Variants in EYS observed in about 807,000 individuals in gnomAD.
The protein encoded by EYS is EGF-like photoreceptor maintenance factor, also known as protein eyes shut homolog.
In EYS, 250 loss-of-function variants were observed where a neutral mutation model predicts 282.1. The ratio of observed to expected loss-of-function variants is 0.89; its 90% CI spans 0.80 to 0.98. The LOEUF is 0.98. Among genes scored for constraint, EYS ranks in the 50% least tolerant of loss-of-function variants. The pLI, the probability that EYS is intolerant of heterozygous loss-of-function variation, is 0.00. For missense variants in EYS, 4,016 were observed against 3,709.0 expected (o/e 1.08, Z -2.15); for synonymous variants, 1,355 against 1,282.9 (o/e 1.06, Z -1.20).
intron 12 of EYS, among the ~76,000 whole-genome samples, chr6:65,087,326 A>G (rs965807149): frequency 1.4e-4 from 21 of 152,078 alleles, no homozygotes; most frequent in African/African-American, 5.1e-4. Flanking sequence ...TTCCACCAAA[A>G]TGACTATTTT....
At chr6:65,697,160 G>A (rs1406673681) in intron 1 of EYS, among the ~76,000 whole-genome samples, 1 of 151,838 alleles carries the variant, frequency 6.6e-6, no homozygotes, top group African/African-American at 2.4e-5. Context: ...TTGTCTCTTA[G>A]TTTTAAAATT....
At chr6:65,434,763 C>G (rs1768013342) in intron 5 of EYS, among the ~76,000 whole-genome samples, 1 of 152,226 alleles carries the variant, frequency 6.6e-6, no homozygotes, top group Middle Eastern at 3.4e-3. Flanking sequence ...TTGACATATG[C>G]TACTCTTTAT....
chr6:65,005,987 C>G (rs1771636968), intron 13 of EYS, among the ~76,000 whole-genome samples: 1 of 152,178 alleles, frequency 6.6e-6, no homozygotes, highest in Non-Finnish European at 1.5e-5. Context: ...ACTAATGGTT[C>G]AGACTTTCAT....
Position 64,382,623 on chromosome 6 carries a change from G to A in EYS, c.6078+6067C>T, listed in dbSNP as rs1211061629. Among the ~76,000 whole-genome samples the A allele has an allele frequency of 2.0e-5, 3 of 152,176 alleles. No homozygotes were observed. The East Asian group carries it at 5.8e-4, about 29-fold the overall frequency. On this transcript the variant is annotated intron_variant, in intron 29 of 42. Transcript: ENST00000503581. Reference sequence around the variant, plus strand: ...TAAATACAGTGGTACATCTAAACCAGAGAGTGCTTGAATAGAAGAAACTAT... The same window carrying A: ...TAAATACAGTGGTACATCTAAACCAAAGAGTGCTTGAATAGAAGAAACTAT...
intron 5 of EYS, among the ~76,000 whole-genome samples, chr6:65,450,927 T>C (rs1764373646): frequency 6.6e-6 from 1 of 152,154 alleles, no homozygotes; most frequent in African/African-American, 2.4e-5. Flanking sequence ...TATCACCCAT[T>C]TTATTCACAC....
At chr6:64,371,674 G>A (rs1211471873) in intron 29 of EYS, among the ~76,000 whole-genome samples, 1 of 152,144 alleles carries the variant, frequency 6.6e-6, no homozygotes, top group Non-Finnish European at 1.5e-5. Flanking sequence ...CTAAGAGCTT[G>A]ATCTATGAAT....
intron 12 of EYS, among the ~76,000 whole-genome samples, chr6:65,235,186 T>C (rs1419021904): frequency 2.0e-5 from 3 of 152,210 alleles, no homozygotes; most frequent in African/African-American, 7.2e-5. Context: ...GTAGTTGTGC[T>C]ATTACAGAGG....
At chr6:64,664,052 A>C (rs1041325928) in intron 22 of EYS, among the ~76,000 whole-genome samples, 1 of 152,210 alleles carries the variant, frequency 6.6e-6, no homozygotes, top group Non-Finnish European at 1.5e-5. Flanking sequence ...GAGGGATGGA[A>C]GTAAGCGGCA....
chr6:64,786,515 C>T lies in EYS; in HGVS notation c.3443+26863G>A, dbSNP rs959701661. Among the ~76,000 whole-genome samples, 7 of 152,118 alleles carry T rather than the reference C, an allele frequency of 4.6e-5. No individual in the cohort carries two copies. In the South Asian group the frequency reaches 8.3e-4, roughly 18 times the overall value. On this transcript the variant is annotated intron_variant, in intron 22 of 42. Coordinates refer to ENST00000503581, the MANE Select transcript of EYS (RefSeq NM_001142800.2). ...GATGTTCTACACACATGGGGATATG[C>T]GGGGGCAGTCATGTTGCCAGCAACA...
intron 29 of EYS, among the ~76,000 whole-genome samples, chr6:64,340,383 A>G (rs1771054166): frequency 6.6e-6 from 1 of 151,786 alleles, no homozygotes; most frequent in African/African-American, 2.4e-5. Context: ...ACAAAGACCA[A>G]TGGAAAAGAA....
At chr6:64,511,111 TA>T (rs71551593) in intron 26 of EYS, among the ~76,000 whole-genome samples, 39,880 of 150,954 alleles carry the variant, frequency 0.26, 5,655 homozygotes, top group East Asian at 0.35. Context: ...TCTTTATAAA[TA>T]AAAAAAATCA....
intron 24 of EYS, among the ~76,000 whole-genome samples, chr6:64,598,388 G>A (rs959575174): frequency 2.6e-5 from 4 of 152,330 alleles, no homozygotes; most frequent in South Asian, 4.1e-4. Context: ...GTGAACCTGC[G>A]AGGCGGAGCT....
At chr6:63,863,200 A>T (rs1288194538) in intron 36 of EYS, among the ~76,000 whole-genome samples, 8 of 152,232 alleles carry the variant, frequency 5.3e-5, no homozygotes, top group Admixed American at 3.3e-4. Flanking sequence ...TGATAAAGCA[A>T]GTCCAGTCCT....
At chr6:64,462,951 T>TG (rs1775797172) in intron 26 of EYS, among the ~76,000 whole-genome samples, 2 of 146,666 alleles carry the variant, frequency 1.4e-5, no homozygotes, top group East Asian at 2.0e-4. Context: ...AATTTTTTTT[T>TG]TTTTTTTTTT....
At chr6:65,038,458 A>C (rs996819977) in intron 13 of EYS, among the ~76,000 whole-genome samples, 1 of 151,402 alleles carries the variant, frequency 6.6e-6, no homozygotes, top group African/African-American at 2.4e-5. Flanking sequence ...CATACATATC[A>C]CTAGGTCCTT....
chr6:64,799,811 T>C (rs906352514), intron 22 of EYS, among the ~76,000 whole-genome samples: 12 of 151,818 alleles, frequency 7.9e-5, no homozygotes, highest in African/African-American at 2.9e-4. Context: ...AATATCTACA[T>C]AAATAAAGTA....
chr6:65,399,005 T>G (rs1033114405), intron 7 of EYS, among the ~76,000 whole-genome samples: 1 of 152,106 alleles, frequency 6.6e-6, no homozygotes, highest in Non-Finnish European at 1.5e-5. Context: ...TAGAAATATA[T>G]TCCAGATCTG....
chr6:64,537,924 T>A (rs981803813), intron 26 of EYS, among the ~76,000 whole-genome samples: 1 of 152,224 alleles, frequency 6.6e-6, no homozygotes, highest in Non-Finnish European at 1.5e-5. Context: ...GGAATAGATT[T>A]TTTACTGGGT....
At chr6:64,279,787 C>T (rs1157777179) in intron 30 of EYS, among the ~76,000 whole-genome samples, 1 of 152,120 alleles carries the variant, frequency 6.6e-6, no homozygotes, top group Non-Finnish European at 1.5e-5. Context: ...TGTCTCTTTT[C>T]TTTCTTCTCT....
Sources: allele counts gnomAD v4.1 joint callset (sites outside exome capture counted in the v4.1 genomes callset), GRCh38; gene constraint gnomAD v4.1.1; transcripts MANE v1.5; gene names NCBI Gene and HGNC (gene_info 2026-07-23, HGNC 2026-07-21).